The following PRRX2 variants were observed in gnomAD, a reference collection of about 807,000 sequenced individuals.
PRRX2 encodes the protein paired related homeobox 2.
Under a neutral mutation model 18.0 loss-of-function variants are expected in PRRX2, and 11 were observed. That is an observed-to-expected ratio of 0.61 (90% CI 0.39 to 1.01). The LOEUF (loss-of-function observed/expected upper bound fraction) is 1.01, where lower values mean the gene tolerates loss of function less well. Ranked by LOEUF, PRRX2 falls within the 50% of genes least tolerant of loss-of-function variation. PRRX2 has a pLI of 0.01. For missense variants in PRRX2, 387 were observed against 351.0 expected (o/e 1.10, Z -0.82); for synonymous variants, 177 against 154.8 (o/e 1.14, Z -1.06).
intron 1 of PRRX2, among the ~76,000 whole-genome samples, chr9:129,668,095 C>T (rs1454266337): frequency 6.6e-6 from 1 of 152,126 alleles, no homozygotes; most frequent in Non-Finnish European, 1.5e-5. Flanking sequence ...CAGGGAGAGT[C>T]CCTGGGCTCC....
intron 1 of PRRX2, among the ~76,000 whole-genome samples, chr9:129,684,523 C>CACACACACACACACACA (rs1564147482): frequency 4.6e-5 from 2 of 43,076 alleles, no homozygotes; most frequent in East Asian, 5.2e-4. Flanking sequence ...CACACACACA[C>CACACACACACACACACA]CCACACACAC....
intron 1 of PRRX2, among the ~76,000 whole-genome samples, chr9:129,680,536 T>C (rs1177088788): frequency 9.2e-6 from 1 of 108,506 alleles, no homozygotes; most frequent in African/African-American, 3.6e-5. Flanking sequence ...TCACGTTCCC[T>C]TCACAGATGG....
intron 2 of PRRX2, 136 bp downstream of exon 2, chr9:129,719,554 A>C: frequency 8.7e-7 from 1 of 1,153,478 alleles, no homozygotes; most frequent in South Asian, 1.9e-5. Flanking sequence ...GGGGGTTCAG[A>C]TCCCAGCCCT....
intron 1 of PRRX2, among the ~76,000 whole-genome samples, chr9:129,711,399 CTTT>C (rs897807963): frequency 0.12 from 10,430 of 84,060 alleles, 398 homozygotes; most frequent in East Asian, 0.26. Flanking sequence ...GTGAGATTCT[CTTT>C]TTTTTTTTTT....
chr9:129,690,949 T>C (rs1002898358), intron 1 of PRRX2, among the ~76,000 whole-genome samples: 1 of 152,142 alleles, frequency 6.6e-6, no homozygotes, highest in Non-Finnish European at 1.5e-5. Flanking sequence ...AGTGGTGTGC[T>C]TGTGCCCGCT....
intron 1 of PRRX2, among the ~76,000 whole-genome samples, chr9:129,697,742 G>C (rs1337369591): frequency 2.0e-5 from 3 of 152,110 alleles, no homozygotes; most frequent in Non-Finnish European, 4.4e-5. Flanking sequence ...TGTCCCGGGG[G>C]AGGGAAAGAT....
intron 1 of PRRX2, among the ~76,000 whole-genome samples, chr9:129,714,371 C>T (rs1832676421): frequency 1.3e-5 from 2 of 150,530 alleles, no homozygotes; most frequent in Admixed American, 6.6e-5. Context: ...CCACTGCACT[C>T]CAGCCTGGGG....
At chr9:129,677,352 C>A (rs146267989) in intron 1 of PRRX2, among the ~76,000 whole-genome samples, 2 of 152,248 alleles carry the variant, frequency 1.3e-5, no homozygotes, top group African/African-American at 4.8e-5. Flanking sequence ...CCAGGAAATA[C>A]GCAGTGATCC....
rs994213997 is a variant in PRRX2, at chr9:129,719,239, C to G, written c.268C>G (p.Pro90Ala). The G allele has an allele frequency of 6.3e-7, 1 of 1,593,180 alleles. No homozygotes were observed. Among genetic ancestry groups the G allele is most frequent in the East Asian group, 2.2e-5 (1 of 44,446 alleles). The part of the protein sequence containing the change: ...SEAAPQDGEC[P>A]SPGRGSAAKR... ...CCCCCCAACCTCCGCAGGTGAGTGT[C>G]CCAGCCCGGGGCGCGGTAGCGCCGC... The change falls in exon 2 of 4, where the codon CCC becomes GCC. Residue 90 changes from proline (P) to alanine (A), a missense_variant. Coordinates refer to ENST00000372469, the MANE Select transcript of PRRX2 (RefSeq NM_016307.4).
At position 129,665,801 on chromosome 9, in the gene PRRX2, C is replaced by A. The variant is rs1408014663; in HGVS notation, c.-67C>A. ...CGGCCGGGGCTCTCGCTCCGACCCGCGCCCGCGACCCTTCCTGGGACCCGA... is the reference window on the plus strand; with the variant it reads ...CGGCCGGGGCTCTCGCTCCGACCCGAGCCCGCGACCCTTCCTGGGACCCGA... On this transcript the variant is annotated 5_prime_UTR_variant, in exon 1 of 4. Coordinates refer to ENST00000372469, the MANE Select transcript of PRRX2 (RefSeq NM_016307.4). This position sits in a 1 kb window ranked among gnomAD's most constrained non-coding sequence, Gnocchi z 5.3. The A allele has an allele frequency of 1.0e-6, 1 of 1,004,306 alleles. No homozygotes were observed. The highest frequency in any genetic ancestry group is 1.2e-6 in the Non-Finnish European group (1 of 840,622). The allele number at this position is 1,004,306 out of a possible 1,614,324, so 62.2% of individuals were successfully genotyped here.
intron 1 of PRRX2, among the ~76,000 whole-genome samples, chr9:129,678,023 G>A (rs908516557): frequency 6.7e-6 from 1 of 148,662 alleles, no homozygotes; most frequent in African/African-American, 2.5e-5. Context: ...GAGTGCAGTG[G>A]CGCAATCTCG....
In PRRX2 at chr9:129,684,532, A is replaced by ACACACACACACACACC. The variant is rs1165343797; in HGVS notation, c.259+18407_259+18408insACACACACACACACCC. Among the ~76,000 whole-genome samples, 379 of 140,324 alleles carry ACACACACACACACACC rather than the reference A, an allele frequency of 2.7e-3. 8 individuals carry two copies. The highest frequency in any genetic ancestry group is 3.1e-3 in the Non-Finnish European group (202 of 65,776). 92.1% of individuals were successfully genotyped at this position (140,324 alleles called of 152,430 possible). A position where few individuals can be genotyped will look rare whatever the true frequency, so the allele number is the denominator to read the frequency against. ...CACACACACACACACACCCACACAC[A>ACACACACACACACACC]CCCCAACAGAAAAGAGACCAGAAAT... On this transcript the variant is annotated intron_variant, in intron 1 of 3. Coordinates refer to ENST00000372469, the MANE Select transcript of PRRX2 (RefSeq NM_016307.4).
At chr9:129,699,297 A>C (rs1832466455) in intron 1 of PRRX2, among the ~76,000 whole-genome samples, 1 of 152,072 alleles carries the variant, frequency 6.6e-6, no homozygotes. Context: ...GGTGGTGCGC[A>C]CCTGTAATCC....
chr9:129,706,314 C>G (rs1832557247), intron 1 of PRRX2, among the ~76,000 whole-genome samples: 1 of 112,106 alleles, frequency 8.9e-6, no homozygotes, highest in Non-Finnish European at 1.8e-5. Context: ...GGCGCGGTGG[C>G]TCACACCTGT....
rs377534920 is a variant in PRRX2 at position 129,680,387 on chromosome 9, C to T, written c.259+14261C>T. ...CTGCACTCCAGCCTGGGTGACAGAG[C>T]GAGACTCCGTCTCAAAAAAAAAAAA... On this transcript the variant is annotated intron_variant, in intron 1 of 3. Coordinates refer to ENST00000372469, the MANE Select transcript of PRRX2 (RefSeq NM_016307.4). 4.6e-5 allele frequency among the ~76,000 whole-genome samples: 6 copies of T among 130,366 alleles called. No homozygotes were observed. The South Asian group carries it at 1.2e-3, about 26-fold the overall frequency. 85.5% of individuals were successfully genotyped at this position (130,366 alleles called of 152,430 possible).
chr9:129,706,323 G>A (rs1832557273), intron 1 of PRRX2, among the ~76,000 whole-genome samples: 1 of 138,972 alleles, frequency 7.2e-6, no homozygotes, highest in Non-Finnish European at 1.5e-5. Context: ...GCTCACACCT[G>A]TAATCCCAGC....
At chr9:129,705,200 A>G (rs1029109022) in intron 1 of PRRX2, among the ~76,000 whole-genome samples, 5 of 108,048 alleles carry the variant, frequency 4.6e-5, no homozygotes, top group Non-Finnish European at 6.9e-5. Context: ...TTGGGGTCTC[A>G]GGAATAGAGA....
chr9:129,693,275 A>G (rs1256706060), intron 1 of PRRX2, among the ~76,000 whole-genome samples: 1 of 152,218 alleles, frequency 6.6e-6, no homozygotes, highest in Middle Eastern at 3.4e-3. Context: ...AAGTTTTCTC[A>G]TGGTAGATAG....
At chr9:129,668,065 T>G (rs1832049290) in intron 1 of PRRX2, among the ~76,000 whole-genome samples, 1 of 152,170 alleles carries the variant, frequency 6.6e-6, no homozygotes. Flanking sequence ...AGCTCTGCCC[T>G]GAGGACGATG....
Sources: allele counts gnomAD v4.1 joint callset (sites outside exome capture counted in the v4.1 genomes callset), GRCh38; gene constraint gnomAD v4.1.1; non-coding constraint Gnocchi (gnomAD v3.1); transcripts MANE v1.5; gene names NCBI Gene and HGNC (gene_info 2026-07-23, HGNC 2026-07-21).